Variants in INPP5B observed in about 807,000 individuals in gnomAD.
INPP5B encodes type II inositol 1,4,5-trisphosphate 5-phosphatase.
INPP5B carries 90 observed loss-of-function variants against 118.5 expected under a neutral mutation model. That is an observed-to-expected ratio of 0.76 (90% confidence interval 0.64 to 0.90). The LOEUF (loss-of-function observed/expected upper bound fraction) is 0.90, where lower values mean the gene tolerates loss of function less well. INPP5B is among the 40% of genes least tolerant of loss of function. The pLI is 0.00. For missense variants in INPP5B, 984 were observed against 1,125.6 expected (o/e 0.87, Z 1.80); for synonymous variants, 385 against 418.9 (o/e 0.92, Z 0.99).
In INPP5B at chr1:37,865,876, T is replaced by G. The variant is rs763259527; in HGVS notation, c.2399A>C (p.His800Pro). 1.9e-6 allele frequency: 3 copies of G among 1,613,242 alleles called. No individual in the cohort carries two copies. Among genetic ancestry groups the G allele is most frequent in the Non-Finnish European group, 2.5e-6 (3 of 1,179,466 alleles). The change falls in exon 22 of 24, where the codon CAT becomes CCT. Residue 800 changes from histidine (H) to proline (P), a missense_variant. By Grantham distance (77) the His-to-Pro change is moderately conservative (BLOSUM62 -2). Coordinates refer to ENST00000373024, the MANE Select transcript of INPP5B (RefSeq NM_005540.3). The stretch of plus-strand genomic sequence containing the variant: ...AAGCAGCAGGGCTTCGGCTACAGAA[T>G]GATTGCTGGCAGCTTTTGGCCCCAT... ...GMIDNLSASNHSVAEALLLFL... is the reference protein window; with the variant it reads ...GMIDNLSASNPSVAEALLLFL...
chr1:37,933,441 G>A (rs1281388428), intron 6 of INPP5B, among the ~76,000 whole-genome samples: 8 of 152,118 alleles, frequency 5.3e-5, no homozygotes, highest in Non-Finnish European at 8.8e-5. Flanking sequence ...CCAGCTACTC[G>A]GGAGGCTGAG....
chr1:37,922,338 G>A (rs549459255), intron 7 of INPP5B, among the ~76,000 whole-genome samples: 20 of 151,362 alleles, frequency 1.3e-4, no homozygotes, highest in African/African-American at 3.4e-4. Context: ...AAGGTGAGTC[G>A]AGATCATGTC....
chr1:37,892,678 T>C (rs1363167635), intron 7 of INPP5B, among the ~76,000 whole-genome samples: 1 of 152,164 alleles, frequency 6.6e-6, no homozygotes, highest in Non-Finnish European at 1.5e-5. Flanking sequence ...CATTTGAACA[T>C]GAAAATAATT....
intron 6 of INPP5B, among the ~76,000 whole-genome samples, chr1:37,932,370 T>C (rs1430072796): frequency 2.7e-4 from 38 of 140,028 alleles, no homozygotes; most frequent in Middle Eastern, 3.5e-3. Context: ...TTTCTTTTTT[T>C]TTTTTTTTTT....
chr1:37,876,587 C>T (rs770628133), intron 16 of INPP5B, among the ~76,000 whole-genome samples: 23 of 143,468 alleles, frequency 1.6e-4, no homozygotes, highest in Non-Finnish European at 2.9e-4. Flanking sequence ...AAAAAGGGCC[C>T]GGTGGCTCAC....
At chr1:37,946,753 G>A (rs1235696264) in intron 1 of INPP5B, among the ~76,000 whole-genome samples, 1 of 152,092 alleles carries the variant, frequency 6.6e-6, no homozygotes, top group Non-Finnish European at 1.5e-5. Context: ...TCCATGTGGG[G>A]TTCAGGGAAC....
chr1:37,917,630 C>G (rs1207867614), intron 7 of INPP5B, among the ~76,000 whole-genome samples: 1 of 151,628 alleles, frequency 6.6e-6, no homozygotes, highest in Admixed American at 6.6e-5. Context: ...AGCCAAAAAA[C>G]TGAAGTTTTT....
At chr1:37,876,563 A>T (rs1642823661) in intron 16 of INPP5B, among the ~76,000 whole-genome samples, 1 of 147,694 alleles carries the variant, frequency 6.8e-6, no homozygotes, top group South Asian at 2.1e-4. Flanking sequence ...AAAAAAAAAA[A>T]AAAAAAAAAA....
chr1:37,902,268 T>C (rs1409086647), intron 7 of INPP5B, among the ~76,000 whole-genome samples: 1 of 152,178 alleles, frequency 6.6e-6, no homozygotes, highest in East Asian at 1.9e-4. Context: ...ATTACAGGCG[T>C]GAGCCACCTC....
chr1:37,935,767 T>TA (rs1422368374), intron 6 of INPP5B, among the ~76,000 whole-genome samples: 1 of 151,948 alleles, frequency 6.6e-6, no homozygotes, highest in Non-Finnish European at 1.5e-5. Flanking sequence ...CTCTCCAGCT[T>TA]AAAAATTCCT....
chr1:37,918,924 G>A (rs957744411), intron 7 of INPP5B, among the ~76,000 whole-genome samples: 1 of 152,096 alleles, frequency 6.6e-6, no homozygotes, highest in African/African-American at 2.4e-5. Context: ...TAGGTAATAC[G>A]TTCAATGCTT....
rs767624065 is a variant in INPP5B at position 37,931,944 on chromosome 1, A to G, written c.501T>C (p.Val167=). ...PTPRGCNSAL[V]TWPGYATIGG... ...CAATTGTCGCGTACCCTGGCCAGGTAACTAGGGCCGAGTTACAACCGCGCG... is the reference window on the plus strand; with the variant it reads ...CAATTGTCGCGTACCCTGGCCAGGTGACTAGGGCCGAGTTACAACCGCGCG... The change falls in exon 7 of 24, where the codon GTT becomes GTC. Residue 167 remains valine, a synonymous_variant. Coordinates refer to ENST00000373024, the MANE Select transcript of INPP5B (RefSeq NM_005540.3). 23 of 1,614,054 alleles carry G rather than the reference A, an allele frequency of 1.4e-5. No homozygotes were observed. Among genetic ancestry groups the G allele is most frequent in the South Asian group, 3.3e-5 (3 of 91,078 alleles).
In INPP5B at chr1:37,882,913, A is replaced by G. The variant is rs775051493; in HGVS notation, c.1325T>C (p.Ile442Thr). 1.2e-6 allele frequency: 2 copies of G among 1,614,098 alleles called. No individual in the cohort carries two copies. Among genetic ancestry groups the G allele is most frequent in the South Asian group, 2.2e-5 (2 of 91,082 alleles). Residue 442 changes from isoleucine to threonine, a missense_variant, in exon 14 of 24, where the codon ATC (isoleucine) becomes ACC (threonine). Physicochemically the swap from Ile to Thr is moderately conservative, Grantham distance 89. Around this residue, in one of 2 missense-constraint regions of INPP5B, gnomAD observed 634 missense variants for 791.0 expected, o/e 0.80. Transcript: ENST00000373024. ...GTAGTTGAGGTCCCCCAGCCACAAG[A>G]TCACACTGTGAGGACAGAGCACAAA... Reference protein sequence around the residue: ...PPLTISNHDVILWLGDLNYRI... With the variant: ...PPLTISNHDVTLWLGDLNYRI...
chr1:37,931,518 C>T (rs962596306), intron 7 of INPP5B: 35 of 1,535,340 alleles, frequency 2.3e-5, no homozygotes, highest in Non-Finnish European at 2.9e-5. Context: ...CACAGAACTT[C>T]TGCCCCAGTG....
At chr1:37,935,821 C>G (rs1402936203) in intron 6 of INPP5B, among the ~76,000 whole-genome samples, 1 of 152,198 alleles carries the variant, frequency 6.6e-6, no homozygotes, top group Admixed American at 6.5e-5. Flanking sequence ...AATCCCAGCA[C>G]TTTGGAAGGC....
At chr1:37,919,137 G>A (rs186864095) in intron 7 of INPP5B, among the ~76,000 whole-genome samples, 36 of 152,254 alleles carry the variant, frequency 2.4e-4, no homozygotes, top group Non-Finnish European at 3.5e-4. Flanking sequence ...AAACTCCCAA[G>A]GGTAAGTACG....
At chr1:37,896,121 C>T (rs1294925335) in intron 7 of INPP5B, among the ~76,000 whole-genome samples, 4 of 149,372 alleles carry the variant, frequency 2.7e-5, no homozygotes, top group African/African-American at 9.9e-5. Context: ...CGTCTCTGCC[C>T]GGCCGCCCAT....
At chr1:37,941,244 G>A (rs550064542) in intron 5 of INPP5B, among the ~76,000 whole-genome samples, 28 of 152,264 alleles carry the variant, frequency 1.8e-4, no homozygotes, top group Admixed American at 1.4e-3. Context: ...GAGCTAGACT[G>A]TAGAAGGCTT....
intron 17 of INPP5B, among the ~76,000 whole-genome samples, chr1:37,875,127 T>G (rs575762591): frequency 2.0e-5 from 3 of 152,302 alleles, no homozygotes; most frequent in African/African-American, 7.2e-5. Flanking sequence ...AACCTCTCTC[T>G]TCTCAGCTAA....
Sources: gnomAD v4.1 joint callset for allele counts (sites outside exome capture counted in the v4.1 genomes callset) on GRCh38, gnomAD v4.1.1 for gene constraint, gnomAD v4.1.1 regional missense constraint, MANE v1.5 for transcripts, NCBI Gene and HGNC (gene_info 2026-07-23, HGNC 2026-07-21) for gene names.